The following ZFPM2 variants were observed in gnomAD, a reference collection of about 807,000 sequenced individuals.
ZFPM2 encodes zinc finger protein ZFPM2.
ZFPM2 carries 20 observed loss-of-function variants against 98.6 expected under a neutral mutation model. That is an observed-to-expected ratio of 0.20 (90% CI 0.14 to 0.29). The LOEUF (loss-of-function observed/expected upper bound fraction) is 0.29. ZFPM2 is among the 10% of genes least tolerant of loss of function. The pLI is 1.00. For missense variants in ZFPM2, 1,310 were observed against 1,388.6 expected, an observed-to-expected ratio of 0.94 and a Z score of 0.90; for synonymous variants, 518 against 502.7, an observed-to-expected ratio of 1.03 and a Z score of -0.41.
chr8:105,628,230 A>T (rs13277129), intron 4 of ZFPM2, among the ~76,000 whole-genome samples: 20,145 of 152,156 alleles, frequency 0.13, 1,369 homozygotes, highest in South Asian at 0.22. Flanking sequence ...CAAACCTAGA[A>T]AATGTGACTC....
At chr8:105,574,969 A>G (rs192207201) in intron 4 of ZFPM2, among the ~76,000 whole-genome samples, 1 of 152,172 alleles carries the variant, frequency 6.6e-6, no homozygotes, top group Non-Finnish European at 1.5e-5. Flanking sequence ...TGCCTTTATT[A>G]AAGAAGTACA....
intron 1 of ZFPM2, among the ~76,000 whole-genome samples, chr8:105,401,877 G>C (rs77389230): frequency 4.0e-5 from 6 of 151,886 alleles, no homozygotes; most frequent in African/African-American, 1.2e-4. Flanking sequence ...CTGTTGTTTC[G>C]TCAGTGTTTG....
At chr8:105,770,054 A>T (rs1812947490) in intron 5 of ZFPM2, among the ~76,000 whole-genome samples, 1 of 150,852 alleles carries the variant, frequency 6.6e-6, no homozygotes, top group African/African-American at 2.4e-5. Context: ...TTATATTTTA[A>T]TTTTCTCAGG....
chr8:105,543,718 TC>T (rs1475029907), intron 3 of ZFPM2, among the ~76,000 whole-genome samples: 1 of 152,196 alleles, frequency 6.6e-6, no homozygotes, highest in Non-Finnish European at 1.5e-5. Flanking sequence ...CTATCTTTCC[TC>T]CTTCTGTCCC....
chr8:105,584,273 CTTTTA>C (rs910294006), intron 4 of ZFPM2, among the ~76,000 whole-genome samples: 50 of 151,954 alleles, frequency 3.3e-4, no homozygotes, highest in Admixed American at 2.4e-3. Flanking sequence ...TCTTTTTTAA[CTTTTA>C]TTTTATTTTT....
At chr8:105,622,956 C>G (rs978208197) in intron 4 of ZFPM2, among the ~76,000 whole-genome samples, 23 of 152,190 alleles carry the variant, frequency 1.5e-4, no homozygotes, top group African/African-American at 5.3e-4. Flanking sequence ...TTCTTATACC[C>G]ATCTATAAAC....
intron 3 of ZFPM2, among the ~76,000 whole-genome samples, chr8:105,486,498 A>G (rs1813233042): frequency 6.6e-6 from 1 of 151,704 alleles, no homozygotes. Context: ...GTTCCTGATA[A>G]CTGTCTTGAT....
At chr8:105,686,998 G>A (rs1810753282) in intron 5 of ZFPM2, among the ~76,000 whole-genome samples, 2 of 152,148 alleles carry the variant, frequency 1.3e-5, no homozygotes, top group South Asian at 4.1e-4. Flanking sequence ...AAATTTCCCA[G>A]TGTCCTGTGT....
At chr8:105,324,303 C>G (rs1288181052) in intron 1 of ZFPM2, among the ~76,000 whole-genome samples, 1 of 151,754 alleles carries the variant, frequency 6.6e-6, no homozygotes, top group Admixed American at 6.6e-5. Context: ...TTGCCTATAT[C>G]TATATGTATC....
intron 1 of ZFPM2, among the ~76,000 whole-genome samples, chr8:105,332,251 T>C (rs1215656764): frequency 6.6e-6 from 1 of 151,738 alleles, no homozygotes; most frequent in East Asian, 1.9e-4. Flanking sequence ...AGCCCATAAC[T>C]TACGTATTTG....
Position 105,803,680 on chromosome 8 carries a change from A to G in ZFPM2, c.*142A>G, listed in dbSNP as rs1263061721. On this transcript the variant is annotated 3_prime_UTR_variant, in exon 8 of 8. Coordinates refer to ENST00000407775, the MANE Select transcript of ZFPM2 (RefSeq NM_012082.4). The stretch of plus-strand genomic sequence containing the variant: ...GGCTGAGTTGAAGACTTAAGGTGTA[A>G]TTTCATTACAGTCCATTAGTAAAGT... 2.6e-6 allele frequency: 2 copies of G among 783,906 alleles called. No homozygotes were observed. The highest frequency in any genetic ancestry group is 2.0e-6 in the Non-Finnish European group (1 of 496,086). 48.6% of individuals were successfully genotyped at this position (783,906 alleles called of 1,614,324 possible). A position where few individuals can be genotyped will look rare whatever the true frequency, so the allele number is the denominator to read the frequency against.
chr8:105,620,851 G>A (rs1208815812), intron 4 of ZFPM2, among the ~76,000 whole-genome samples: 1 of 152,026 alleles, frequency 6.6e-6, no homozygotes, highest in African/African-American at 2.4e-5. Context: ...TAGATGTGTG[G>A]TATTATTTCT....
At chr8:105,711,920 G>T (rs1811410891) in intron 5 of ZFPM2, among the ~76,000 whole-genome samples, 1 of 151,996 alleles carries the variant, frequency 6.6e-6, no homozygotes, top group Non-Finnish European at 1.5e-5. Flanking sequence ...TATATCTATT[G>T]TGGTCTTTTT....
At chr8:105,700,548 T>C (rs1176963085) in intron 5 of ZFPM2, among the ~76,000 whole-genome samples, 1 of 151,882 alleles carries the variant, frequency 6.6e-6, no homozygotes, top group Admixed American at 6.6e-5. Flanking sequence ...CTGTTGACCT[T>C]ATCCCTAGGA....
intron 5 of ZFPM2, among the ~76,000 whole-genome samples, chr8:105,672,758 C>T (rs1713376522): frequency 1.3e-5 from 2 of 152,104 alleles, no homozygotes; most frequent in African/African-American, 2.4e-5. Context: ...AAATTAGGGA[C>T]ATGTACCATG....
At chr8:105,721,092 A>G (rs546816538) in intron 5 of ZFPM2, among the ~76,000 whole-genome samples, 113 of 152,014 alleles carry the variant, frequency 7.4e-4, no homozygotes, top group African/African-American at 2.0e-3. Flanking sequence ...CTCTGTAGAC[A>G]TAGGGGACTG....
chr8:105,672,820 A>G (rs1307794094), intron 5 of ZFPM2, among the ~76,000 whole-genome samples: 1 of 152,226 alleles, frequency 6.6e-6, no homozygotes, highest in Non-Finnish European at 1.5e-5. Context: ...TTCGAGAAGC[A>G]GATTAGCACA....
intron 1 of ZFPM2, among the ~76,000 whole-genome samples, chr8:105,329,774 C>T (rs528508861): frequency 6.6e-6 from 1 of 151,640 alleles, no homozygotes; most frequent in Non-Finnish European, 1.5e-5. Context: ...TTGGGGAAAC[C>T]TTGGTTGGCA....
intron 5 of ZFPM2, among the ~76,000 whole-genome samples, chr8:105,665,262 A>T (rs1410454687): frequency 6.6e-6 from 1 of 152,162 alleles, no homozygotes; most frequent in Non-Finnish European, 1.5e-5. Flanking sequence ...AACACCTTTC[A>T]CTAGGGCCCA....
Sources: allele counts gnomAD v4.1 joint callset (sites outside exome capture counted in the v4.1 genomes callset), GRCh38; gene constraint gnomAD v4.1.1; transcripts MANE v1.5; gene names NCBI Gene and HGNC (gene_info 2026-07-23, HGNC 2026-07-21).